The following NCALD variants were observed in gnomAD, a reference collection of about 807,000 sequenced individuals.
The protein encoded by NCALD is neurocalcin delta, also known as neurocalcin-delta.
A neutral mutation model predicts 18.6 loss-of-function variants in NCALD; 10 were observed. That is an observed-to-expected ratio of 0.54 (90% CI 0.33 to 0.91). The LOEUF is 0.91. Among genes scored for constraint, NCALD ranks in the 40% least tolerant of loss-of-function variants. The pLI, the probability that NCALD is intolerant of heterozygous loss-of-function variation, is 0.03. For synonymous variants in NCALD, 88 were observed against 87.4 expected (o/e 1.01, Z -0.04); for missense variants, 184 against 247.6 (o/e 0.74, Z 1.72).
At chr8:101,937,373 G>T (rs1818803489) in intron 2 of NCALD, among the ~76,000 whole-genome samples, 1 of 152,076 alleles carries the variant, frequency 6.6e-6, no homozygotes, top group South Asian at 2.1e-4. Context: ...CCCAGTGTCT[G>T]TTGTTCCTTT....
chr8:102,119,820 T>A (rs1825892243), intron 1 of NCALD, among the ~76,000 whole-genome samples: 1 of 152,238 alleles, frequency 6.6e-6, no homozygotes, highest in Non-Finnish European at 1.5e-5. Context: ...CTAGATCTTA[T>A]TCAGCCTGTA....
In NCALD at chr8:101,915,588, G is replaced by A. The variant is rs1405848700; in HGVS notation, c.-107+221C>T. The A allele has an allele frequency of 2.0e-5, 3 of 152,156 alleles. No individual in the cohort carries two copies. The East Asian group carries it at 5.8e-4, about 29-fold the overall frequency. 9.4% of individuals were successfully genotyped at this position (152,156 alleles called of 1,614,324 possible). ...ATTATGCTGTAAGTAATATTCAAAG[G>A]TGATAAGCAGGCAGTACCTTATTTA... On this transcript the variant is annotated intron_variant, in intron 3 of 6. Coordinates refer to the NCALD transcript ENST00000311028.
At chr8:101,755,770 G>T (rs114554488) in intron 1 of NCALD, among the ~76,000 whole-genome samples, 6,946 of 152,252 alleles carry the variant, frequency 0.046, 376 homozygotes, top group African/African-American at 0.13. Flanking sequence ...CAAAATAGGA[G>T]AAAACAAACC....
At chr8:101,801,518 G>A (rs1374354275) in intron 4 of NCALD, among the ~76,000 whole-genome samples, 1 of 151,608 alleles carries the variant, frequency 6.6e-6, no homozygotes, top group African/African-American at 2.4e-5. Flanking sequence ...TTTGCAAACA[G>A]TGGATTAAAG....
rs1042278083 is a variant in NCALD, at chr8:101,937,799, A to G, written c.-156-21941T>C. 5.3e-5 allele frequency among the ~76,000 whole-genome samples: 8 copies of G among 152,130 alleles called. No individual in the cohort carries two copies. The South Asian group carries it at 1.7e-3, about 32-fold the overall frequency. ...TGGTTTCTGCCCTCATGGAGCTTAC[A>G]CTCTTGTAGGGAGACAGTCAATAAA... On this transcript the variant is annotated intron_variant, in intron 2 of 6. Coordinates refer to the NCALD transcript ENST00000311028.
chr8:101,910,909 T>C (rs16868739), intron 3 of NCALD, among the ~76,000 whole-genome samples: 7,026 of 152,258 alleles, frequency 0.046, 263 homozygotes, highest in African/African-American at 0.1. Context: ...TGATCAACAA[T>C]CACTTTGCTC....
At chr8:101,748,499 TGAA>T (rs1407751810) in intron 1 of NCALD, among the ~76,000 whole-genome samples, 1 of 152,156 alleles carries the variant, frequency 6.6e-6, no homozygotes, top group Non-Finnish European at 1.5e-5. Flanking sequence ...TGGTCCTTCG[TGAA>T]TATGAGGCCT....
At chr8:101,710,167 A>G (rs1456166041) in intron 2 of NCALD, among the ~76,000 whole-genome samples, 1 of 152,168 alleles carries the variant, frequency 6.6e-6, no homozygotes, top group Admixed American at 6.5e-5. Flanking sequence ...TGGGAAGTGC[A>G]AGGGGTTGGG....
chr8:101,726,933 G>A (rs1292523547), intron 1 of NCALD, among the ~76,000 whole-genome samples: 1 of 152,184 alleles, frequency 6.6e-6, no homozygotes, highest in East Asian at 1.9e-4. Flanking sequence ...TGGCATTTAG[G>A]CTCTGGGAGA....
chr8:101,763,760 C>G (rs1230739041), intron 1 of NCALD, among the ~76,000 whole-genome samples: 1 of 152,066 alleles, frequency 6.6e-6, no homozygotes, highest in Non-Finnish European at 1.5e-5. Flanking sequence ...TGCCTTCAAA[C>G]CATGACATTG....
intron 2 of NCALD, among the ~76,000 whole-genome samples, chr8:101,977,304 C>G (rs1374566881): frequency 1.3e-5 from 2 of 151,838 alleles, no homozygotes; most frequent in African/African-American, 4.8e-5. Flanking sequence ...TCTCCATTTT[C>G]TATTTTTGTC....
At chr8:101,763,710 T>C (rs1811209458) in intron 1 of NCALD, among the ~76,000 whole-genome samples, 1 of 152,164 alleles carries the variant, frequency 6.6e-6, no homozygotes, top group African/African-American at 2.4e-5. Flanking sequence ...AACAAAAATC[T>C]GACCCTCCTC....
At chr8:101,790,830 T>C (rs1000510779) in intron 1 of NCALD, 32 bp downstream of exon 1, 1 of 152,178 alleles carries the variant, frequency 6.6e-6, no homozygotes, top group Admixed American at 6.5e-5. Flanking sequence ...TATAAAAACA[T>C]CTAACTATTG....
intron 4 of NCALD, among the ~76,000 whole-genome samples, chr8:101,844,765 C>T (rs562359970): frequency 1.4e-4 from 22 of 152,226 alleles, no homozygotes; most frequent in Non-Finnish European, 2.5e-4. Context: ...GGCCAGAGAG[C>T]GGTGAGTTCT....
intron 2 of NCALD, among the ~76,000 whole-genome samples, chr8:101,928,600 CT>C (rs58400436): frequency 0.057 from 8,138 of 143,460 alleles, 537 homozygotes; most frequent in African/African-American, 0.16. Context: ...GCTATGGACA[CT>C]TTTTTTTTTT....
intron 4 of NCALD, among the ~76,000 whole-genome samples, chr8:101,827,406 T>C (rs1472328686): frequency 6.6e-6 from 1 of 152,240 alleles, no homozygotes; most frequent in Non-Finnish European, 1.5e-5. Flanking sequence ...GGATCTGACA[T>C]CTTTGGGAAC....
chr8:101,749,658 C>T (rs979052085), intron 1 of NCALD, among the ~76,000 whole-genome samples: 2 of 152,184 alleles, frequency 1.3e-5, no homozygotes, highest in African/African-American at 4.8e-5. Context: ...TATGCATATA[C>T]AGAGGAAGGA....
chr8:101,846,873 C>A (rs370455825), intron 4 of NCALD, among the ~76,000 whole-genome samples: 1 of 152,172 alleles, frequency 6.6e-6, no homozygotes, highest in Non-Finnish European at 1.5e-5. Context: ...TCCAGGTACT[C>A]AACACAGGCG....
chr8:102,099,289 G>A (rs1183890687), intron 1 of NCALD, among the ~76,000 whole-genome samples: 1 of 152,194 alleles, frequency 6.6e-6, no homozygotes, highest in Non-Finnish European at 1.5e-5. Flanking sequence ...CCAAAGACTT[G>A]TCAAGGGAAA....
Sources: gnomAD v4.1 joint callset for allele counts (sites outside exome capture counted in the v4.1 genomes callset) on GRCh38, gnomAD v4.1.1 for gene constraint, MANE v1.5 for transcripts, NCBI Gene and HGNC (gene_info 2026-07-23, HGNC 2026-07-21) for gene names.